CDK8: variants seen among roughly 807,000 people sequenced by gnomAD.
CDK8 encodes cyclin dependent kinase 8, also known as cyclin-dependent kinase 8.
Under a neutral mutation model 71.5 loss-of-function variants are expected in CDK8, and 29 were observed. That is an observed-to-expected ratio of 0.41 (90% CI 0.30 to 0.55). The LOEUF (loss-of-function observed/expected upper bound fraction) is 0.55, where lower values mean the gene tolerates loss of function less well. CDK8 is among the 20% of genes least tolerant of loss of function. CDK8 has a pLI of 0.37. For synonymous variants in CDK8, 161 were observed against 192.1 expected (o/e 0.84, Z 1.34); for missense variants, 288 against 572.6 (o/e 0.50, Z 5.07).
intron 1 of CDK8, among the ~76,000 whole-genome samples, chr13:26,277,651 A>C (rs1872604070): frequency 1.3e-5 from 2 of 152,202 alleles, no homozygotes. Context: ...CTGTGATCAT[A>C]TAGGTAAGTT....
chr13:26,334,925 C>T (rs998280896), intron 1 of CDK8, among the ~76,000 whole-genome samples: 3 of 152,098 alleles, frequency 2.0e-5, no homozygotes, highest in Non-Finnish European at 4.4e-5. Context: ...CATCTGTATT[C>T]GTTCCTTTAT....
rs532735735 is a variant in CDK8 at position 26,404,000 on chromosome 13, A to C, written c.1314A>C (p.Thr438=). 61 of 1,613,878 alleles carry C rather than the reference A, an allele frequency of 3.8e-5. No individual in the cohort carries two copies. The South Asian group carries it at 4.4e-4, about 12-fold the overall frequency. Residue 438 remains threonine, a synonymous_variant, in exon 13 of 13, where the codon ACA becomes ACC. Transcript: ENST00000381527. ...HAAYPNPGPS[T]SQPQSSMGYS... ...CCTATCCCAACCCTGGACCAAGCAC[A>C]TCACAGCCGCAGAGCAGCATGGGAT...
intron 1 of CDK8, among the ~76,000 whole-genome samples, chr13:26,325,464 C>T (rs79574192): frequency 6.6e-6 from 1 of 152,222 alleles, no homozygotes; most frequent in East Asian, 1.9e-4. Flanking sequence ...ATAAATGCCA[C>T]CAGGAGTGCA....
rs1471755674 is a variant in CDK8 at position 26,337,582 on chromosome 13, C to T, written c.144C>T (p.Asp48=). The stretch of plus-strand genomic sequence containing the variant: ...GTTTTTACAGGAAGGATGATAAAGA[C>T]TATGCTTTAAAACAAATAGAAGGAA... ...AKRKDGKDDK[D]YALKQIEGTG... The change falls in exon 2 of 13, where the codon GAC becomes GAT. Residue 48 remains aspartate, a synonymous_variant. Transcript: ENST00000381527. The T allele has an allele frequency of 3.5e-6, 5 of 1,449,056 alleles. No homozygotes were observed. Among genetic ancestry groups the T allele is most frequent in the Middle Eastern group, 3.7e-4 (2 of 5,458 alleles). 89.8% of individuals were successfully genotyped at this position (1,449,056 alleles called of 1,614,324 possible). A position where few individuals can be genotyped will look rare whatever the true frequency, so the allele number is the denominator to read the frequency against.
intron 6 of CDK8, among the ~76,000 whole-genome samples, chr13:26,391,429 T>C (rs1311233685): frequency 2.0e-5 from 3 of 152,330 alleles, no homozygotes; most frequent in South Asian, 2.1e-4. Context: ...GCTTTAATTA[T>C]AGCTAAACTA....
intron 1 of CDK8, among the ~76,000 whole-genome samples, chr13:26,274,596 T>A (rs1263573451): frequency 6.6e-6 from 1 of 152,028 alleles, no homozygotes; most frequent in Non-Finnish European, 1.5e-5. Flanking sequence ...CACGCCTGGC[T>A]AATTTTTTGT....
chr13:26,368,634 C>T (rs1461318941), intron 4 of CDK8, among the ~76,000 whole-genome samples: 10 of 152,284 alleles, frequency 6.6e-5, no homozygotes, highest in Admixed American at 6.5e-4. Flanking sequence ...ATGGTTAGGA[C>T]TTATTCACTA....
intron 2 of CDK8, among the ~76,000 whole-genome samples, chr13:26,338,348 A>G (rs9512187): frequency 1.3e-5 from 2 of 152,172 alleles, no homozygotes; most frequent in African/African-American, 2.4e-5. Flanking sequence ...ATAATAGTCT[A>G]TTATGACCTG....
intron 1 of CDK8, among the ~76,000 whole-genome samples, chr13:26,264,416 G>C (rs1396960384): frequency 6.6e-6 from 1 of 151,986 alleles, no homozygotes; most frequent in Non-Finnish European, 1.5e-5. Context: ...CTCCCAAGTG[G>C]GTGGGACTAG....
chr13:26,283,938 T>C (rs905804656), intron 1 of CDK8, among the ~76,000 whole-genome samples: 1 of 149,826 alleles, frequency 6.7e-6, no homozygotes, highest in Non-Finnish European at 1.5e-5. Context: ...TTATATCAGG[T>C]ACCTTCTCAG....
chr13:26,400,396 G>T (rs1876199513), intron 9 of CDK8, 57 bp from the exon 10 acceptor site: 5 of 1,024,406 alleles, frequency 4.9e-6, no homozygotes, highest in African/African-American at 1.6e-5. Context: ...TCACATATGT[G>T]CTGAAAGATA....
Position 26,382,110 on chromosome 13 carries a change from C to T in CDK8, c.457-704C>T, listed in dbSNP as rs142631291. On this transcript the variant is annotated intron_variant, in intron 4 of 12. Transcript: ENST00000381527. ...CTCCTTACTCCTTCTGCTCTTCCTT[C>T]GCTTTCCTAAAGAAAGGGCAGCCTT... is the stretch of plus-strand genomic sequence containing the variant. Among the ~76,000 whole-genome samples the T allele has an allele frequency of 5.3e-3, 800 of 152,228 alleles. 5 individuals carry two copies. Among genetic ancestry groups the T allele is most frequent in the African/African-American group, 0.018 (732 of 41,526 alleles).
At chr13:26,264,788 A>AT (rs1188119969) in intron 1 of CDK8, among the ~76,000 whole-genome samples, 2 of 151,598 alleles carry the variant, frequency 1.3e-5, no homozygotes, top group African/African-American at 4.9e-5. Flanking sequence ...CCTTGTGTTC[A>AT]TTTTTTTGTA....
chr13:26,391,001 T>TA (rs199698945), intron 6 of CDK8, among the ~76,000 whole-genome samples: 2,472 of 121,618 alleles, frequency 0.02, 35 homozygotes, highest in African/African-American at 0.044. Context: ...GGGCACAATC[T>TA]AAAAAAAAAA....
intron 1 of CDK8, among the ~76,000 whole-genome samples, chr13:26,336,347 G>T (rs374518455): frequency 3.3e-5 from 5 of 152,052 alleles, no homozygotes; most frequent in Non-Finnish European, 7.4e-5. Flanking sequence ...ATGCTATTCC[G>T]TTGCTCTGGT....
At chr13:26,345,537 A>G (rs758553093) in intron 2 of CDK8, among the ~76,000 whole-genome samples, 1 of 151,954 alleles carries the variant, frequency 6.6e-6, no homozygotes, top group Non-Finnish European at 1.5e-5. Flanking sequence ...GTGTGCCACC[A>G]CGCCCAACAA....
chr13:26,273,664 AAT>A (rs71658821), intron 1 of CDK8, among the ~76,000 whole-genome samples: 13 of 150,280 alleles, frequency 8.7e-5, no homozygotes, highest in Admixed American at 2.0e-4. Context: ...TGCTTTAAAA[AAT>A]ATATATATAT....
rs568092941 is a variant in CDK8, at chr13:26,317,889, A to G, written c.129-19678A>G. 4.6e-5 allele frequency among the ~76,000 whole-genome samples: 7 copies of G among 152,254 alleles called. No individual in the cohort carries two copies. The South Asian group carries it at 1.4e-3, about 32-fold the overall frequency. ...CTAAGGAGCTAGAAAAAGAAGAACA[A>G]ACTAAACCCAAAGCTGGCAAAAGGA... On this transcript the variant is annotated intron_variant, in intron 1 of 12. Transcript: ENST00000381527.
chr13:26,380,913 G>A (rs1375337602), intron 4 of CDK8, among the ~76,000 whole-genome samples: 2 of 152,018 alleles, frequency 1.3e-5, no homozygotes, highest in African/African-American at 2.4e-5. Context: ...TTTTAACCTA[G>A]TTCTAATCAC....
Sources: gnomAD v4.1 joint callset for allele counts (sites outside exome capture counted in the v4.1 genomes callset) on GRCh38, gnomAD v4.1.1 for gene constraint, MANE v1.5 for transcripts, NCBI Gene and HGNC (gene_info 2026-07-23, HGNC 2026-07-21) for gene names.